The following SNX18 variants were observed in gnomAD, a reference collection of about 807,000 sequenced individuals.
SNX18 encodes sorting nexin 18, also known as sorting nexin-18.
In SNX18, 35 loss-of-function variants were observed where a neutral mutation model predicts 48.7. The observed-to-expected ratio is 0.72, with a 90% CI of 0.55 to 0.95. The LOEUF (loss-of-function observed/expected upper bound fraction) is 0.95. Among genes scored for constraint, SNX18 ranks in the 40% least tolerant of loss-of-function variants. SNX18 has a pLI of 0.00. For missense variants in SNX18, 824 were observed against 871.0 expected (o/e 0.95, Z 0.68); for synonymous variants, 492 against 384.7 (o/e 1.28, Z -3.26).
the SNX18 span, among the ~76,000 whole-genome samples, chr5:54,612,193 G>A: frequency 6.6e-6 from 1 of 152,052 alleles, no homozygotes; most frequent in Non-Finnish European, 1.5e-5. Flanking sequence ...TCAAGTTATT[G>A]CTTTGGCAGA....
At chr5:54,553,507 C>T in the SNX18 span, among the ~76,000 whole-genome samples, 7 of 152,190 alleles carry the variant, frequency 4.6e-5, no homozygotes, top group African/African-American at 1.7e-4. Flanking sequence ...CAATAATTTC[C>T]AGTTTAATTA....
chr5:54,575,615 C>T, the SNX18 span, among the ~76,000 whole-genome samples: 1 of 152,000 alleles, frequency 6.6e-6, no homozygotes, highest in Non-Finnish European at 1.5e-5. Context: ...CTGCCCGCCT[C>T]GGCCTCCCAA....
the SNX18 span, among the ~76,000 whole-genome samples, chr5:54,559,003 G>A: frequency 6.6e-6 from 1 of 151,808 alleles, no homozygotes; most frequent in Admixed American, 6.6e-5. Context: ...AAATACCTAG[G>A]AATACAGCTA....
the SNX18 span, among the ~76,000 whole-genome samples, chr5:54,606,030 T>C: frequency 6.6e-6 from 1 of 152,230 alleles, no homozygotes; most frequent in Non-Finnish European, 1.5e-5. Flanking sequence ...CTTTGAATTG[T>C]GGTAAAATAC....
intron 1 of SNX18, among the ~76,000 whole-genome samples, chr5:54,532,533 A>G (rs6872638): frequency 0.53 from 80,790 of 151,860 alleles, 21,575 homozygotes; most frequent in Non-Finnish European, 0.56. Flanking sequence ...TTCTGTGGGT[A>G]TCAGATCTTT....
the SNX18 span, among the ~76,000 whole-genome samples, chr5:54,592,654 T>C: frequency 6.6e-6 from 1 of 152,238 alleles, no homozygotes; most frequent in African/African-American, 2.4e-5. Context: ...AATGCATGAA[T>C]AACATAGGGA....
chr5:54,627,266 A>G, the SNX18 span, among the ~76,000 whole-genome samples: 1 of 152,180 alleles, frequency 6.6e-6, no homozygotes, highest in African/African-American at 2.4e-5. Flanking sequence ...TCTGAATGGA[A>G]AAACTGGGAA....
At chr5:54,564,286 A>G in the SNX18 span, among the ~76,000 whole-genome samples, 1 of 152,188 alleles carries the variant, frequency 6.6e-6, no homozygotes, top group East Asian at 1.9e-4. Context: ...AAATAAATAA[A>G]TAAATAACAA....
the SNX18 span, among the ~76,000 whole-genome samples, chr5:54,586,004 CA>C: frequency 0.047 from 3,604 of 76,668 alleles, 75 homozygotes; most frequent in African/African-American, 0.11. Context: ...GACTCCGTCT[CA>C]AAAAAAAAAA....
Position 54,518,525 on chromosome 5 carries a change from C to T in SNX18, c.573C>T (p.Gly191=). 1 of 1,559,906 alleles carries T rather than the reference C, an allele frequency of 6.4e-7. No individual in the cohort carries two copies. The highest frequency in any genetic ancestry group is 2.4e-5 in the East Asian group (1 of 41,936). Residue 191 remains glycine, a synonymous_variant, in exon 1 of 2, where the codon GGC becomes GGT. Coordinates refer to ENST00000381410, the MANE Select transcript of SNX18 (RefSeq NM_001102575.2). ...GSSSAGVGAA[G]RYRLSTRSDL... The stretch of plus-strand genomic sequence containing the variant: ...CTTCGGCGGGTGTGGGCGCAGCCGG[C>T]CGCTACCGCCTGTCCACGCGCTCCG...
chr5:54,571,740 T>C, the SNX18 span, among the ~76,000 whole-genome samples: 12 of 152,254 alleles, frequency 7.9e-5, no homozygotes, highest in Non-Finnish European at 1.6e-4. Context: ...GTTCTGTGCC[T>C]GGAAGGGCAG....
the SNX18 span, among the ~76,000 whole-genome samples, chr5:54,554,402 A>G: frequency 2.6e-5 from 4 of 152,116 alleles, no homozygotes; most frequent in African/African-American, 7.2e-5. Context: ...GTACAATTTC[A>G]CTTTCTTGCT....
intron 1 of SNX18, chr5:54,520,434 C>T (rs1355629867): frequency 6.0e-6 from 1 of 166,404 alleles, no homozygotes; most frequent in Non-Finnish European, 1.5e-5. Context: ...TCATATAATG[C>T]CTTGATTGAG....
chr5:54,594,976 G>A, the SNX18 span, among the ~76,000 whole-genome samples: 3 of 152,102 alleles, frequency 2.0e-5, no homozygotes, highest in Non-Finnish European at 4.4e-5. Flanking sequence ...GCCTCCAGAT[G>A]CATCTATGTT....
At chr5:54,543,050 A>C in intron 1 of SNX18, 129 bp from the exon 2 acceptor site, 1 of 879,964 alleles carries the variant, frequency 1.1e-6, no homozygotes, top group East Asian at 2.8e-5. Context: ...TCCTCACTTT[A>C]AATTTCAAAG....
intron 1 of SNX18, among the ~76,000 whole-genome samples, chr5:54,530,430 G>A (rs188345925): frequency 2.0e-5 from 3 of 152,218 alleles, no homozygotes; most frequent in East Asian, 1.9e-4. Flanking sequence ...GCTAGGATTC[G>A]AGTGCATTAT....
chr5:54,543,570 A>G lies in SNX18; in HGVS notation c.*138A>G. On this transcript the variant is annotated 3_prime_UTR_variant, in exon 2 of 2. Transcript: ENST00000381410. ...TTGTGTTCATCTGAAACCCAGCTGAATTTATAATTATGTAGGAAATAAACA... is the reference window on the plus strand; with the variant it reads ...TTGTGTTCATCTGAAACCCAGCTGAGTTTATAATTATGTAGGAAATAAACA... 1 of 930,758 alleles carries G rather than the reference A, an allele frequency of 1.1e-6. No individual in the cohort carries two copies. Among genetic ancestry groups the G allele is most frequent in the South Asian group, 1.7e-5 (1 of 58,028 alleles). 57.7% of individuals were successfully genotyped at this position (930,758 alleles called of 1,614,324 possible). A position where few individuals can be genotyped will look rare whatever the true frequency, so the allele number is the denominator to read the frequency against.
At chr5:54,630,418 T>C in the SNX18 span, among the ~76,000 whole-genome samples, 2 of 152,176 alleles carry the variant, frequency 1.3e-5, no homozygotes, top group Non-Finnish European at 2.9e-5. Context: ...TCACTGCTCT[T>C]GGAGCATCTT....
At chr5:54,522,084 C>T (rs1762042973) in intron 1 of SNX18, among the ~76,000 whole-genome samples, 1 of 152,114 alleles carries the variant, frequency 6.6e-6, no homozygotes, top group East Asian at 1.9e-4. Context: ...AACCTGTGTC[C>T]CTGGATGACA....
Sources: allele counts gnomAD v4.1 joint callset (sites outside exome capture counted in the v4.1 genomes callset), GRCh38; gene constraint gnomAD v4.1.1; transcripts MANE v1.5; gene names NCBI Gene and HGNC (gene_info 2026-07-23, HGNC 2026-07-21).